RGS12: variants seen among roughly 807,000 people sequenced by gnomAD.
The protein encoded by RGS12 is regulator of G-protein signaling 12.
A neutral mutation model predicts 120.1 loss-of-function variants in RGS12; 66 were observed. The observed-to-expected ratio is 0.55, with a 90% CI of 0.45 to 0.67. The LOEUF is 0.67. Ranked by LOEUF, RGS12 falls within the 30% of genes least tolerant of loss-of-function variation. RGS12 has a pLI of 0.00. For synonymous variants in RGS12, 827 were observed against 804.7 expected (o/e 1.03, Z -0.47); for missense variants, 1,859 against 1,957.7 (o/e 0.95, Z 0.95).
intron 3 of RGS12, among the ~76,000 whole-genome samples, chr4:3,375,740 C>CCCTCATCTCCAG (rs1168137731): frequency 1.2e-5 from 1 of 85,300 alleles, no homozygotes; most frequent in Non-Finnish European, 3.0e-5. Context: ...TCATCTCCAG[C>CCCTCATCTCCAG]CCTCATCTCC....
chr4:3,402,342 C>T (rs562772920), intron 4 of RGS12, among the ~76,000 whole-genome samples: 10 of 152,282 alleles, frequency 6.6e-5, no homozygotes, highest in African/African-American at 2.4e-4. Flanking sequence ...TGTGTTACCT[C>T]TTTTTGGCTT....
chr4:3,400,047 C>T (rs1217140233), intron 4 of RGS12, among the ~76,000 whole-genome samples: 2 of 152,160 alleles, frequency 1.3e-5, no homozygotes, highest in Admixed American at 1.3e-4. Flanking sequence ...GTACACAGGG[C>T]TTGAATGATC....
At position 3,306,105 on chromosome 4, in the gene RGS12, A is replaced by G. The variant is rs116162856; in HGVS notation, c.-101-9965A>G. Reference sequence around the variant, plus strand: ...TCCTGAAGGGTGAGGACTAATGCCCATAAGCTTCTCAGGGCCTGGCTATTC... The same window carrying G: ...TCCTGAAGGGTGAGGACTAATGCCCGTAAGCTTCTCAGGGCCTGGCTATTC... On this transcript the variant is annotated intron_variant, in intron 1 of 17. Transcript: ENST00000336727. Among the ~76,000 whole-genome samples the G allele has an allele frequency of 5.4e-3, 816 of 152,340 alleles. 7 individuals are homozygous for G. Among genetic ancestry groups the G allele is most frequent in the African/African-American group, 0.019 (792 of 41,566 alleles).
At chr4:3,381,033 C>A (rs750239655) in intron 3 of RGS12, among the ~76,000 whole-genome samples, 20 of 152,344 alleles carry the variant, frequency 1.3e-4, no homozygotes, top group Middle Eastern at 6.8e-3. Context: ...GAATGCTTTG[C>A]TGCTTAGAAA....
At chr4:3,427,770 AATATGTC>A (rs1723809409) in intron 14 of RGS12, among the ~76,000 whole-genome samples, 1 of 152,338 alleles carries the variant, frequency 6.6e-6, no homozygotes, top group Admixed American at 6.5e-5. Flanking sequence ...AGAGAAAGAA[AATATGTC>A]ATAAATGTAA....
At chr4:3,326,693 C>G (rs980505500) in intron 2 of RGS12, among the ~76,000 whole-genome samples, 11 of 152,068 alleles carry the variant, frequency 7.2e-5, no homozygotes, top group African/African-American at 2.7e-4. Context: ...AGAAAGAAAT[C>G]AAGGAAGCAA....
At chr4:3,425,311 T>A in intron 13 of RGS12, 153 bp from the exon 14 acceptor site, 1 of 704,170 alleles carries the variant, frequency 1.4e-6, no homozygotes, top group Middle Eastern at 2.5e-4. Flanking sequence ...CAGCCCCAGC[T>A]TGTGTGCCTC....
chr4:3,299,015 A>G (rs1002556477), intron 1 of RGS12, among the ~76,000 whole-genome samples: 2 of 152,186 alleles, frequency 1.3e-5, no homozygotes, highest in African/African-American at 4.8e-5. Flanking sequence ...TTCTTTGAAC[A>G]TCTAGTGTTA....
At chr4:3,397,101 G>T (rs1720117559) in intron 4 of RGS12, among the ~76,000 whole-genome samples, 1 of 152,132 alleles carries the variant, frequency 6.6e-6, no homozygotes, top group Admixed American at 6.6e-5. Flanking sequence ...AGCATTAATG[G>T]AGATGATTTC....
intron 3 of RGS12, among the ~76,000 whole-genome samples, chr4:3,380,869 T>G (rs1389920782): frequency 2.0e-5 from 3 of 152,226 alleles, no homozygotes; most frequent in Non-Finnish European, 4.4e-5. Context: ...CCTGGAGACA[T>G]TTTCATCATT....
At chr4:3,422,258 T>C in intron 10 of RGS12, 118 bp from the exon 11 acceptor site, 1 of 961,700 alleles carries the variant, frequency 1.0e-6, no homozygotes, top group Admixed American at 2.6e-5. Context: ...GGTGGGACCG[T>C]GGCAGGGCGC....
In RGS12 at chr4:3,420,336, A is replaced by G. The variant is rs985971550; in HGVS notation, c.2762-306A>G. The G allele has an allele frequency of 2.7e-5, 13 of 479,342 alleles. No individual in the cohort carries two copies. In the Admixed American group the frequency reaches 4.5e-4, roughly 17 times the overall value. 29.7% of individuals were successfully genotyped at this position (479,342 alleles called of 1,614,324 possible). ...CTGTGTAACTGCACGTACTGATGTG[A>G]TTTGTTGGGCACCTGCCATGAGCCA... On this transcript the variant is annotated intron_variant, in intron 9 of 17. Transcript: ENST00000336727.
intron 16 of RGS12, 71 bp downstream of exon 16, chr4:3,428,782 C>A (rs1223961561): frequency 1.5e-6 from 2 of 1,323,514 alleles, no homozygotes; most frequent in South Asian, 1.4e-5. Context: ...GTCAGTAGAT[C>A]TGCTTTGAGC....
intron 3 of RGS12, among the ~76,000 whole-genome samples, chr4:3,376,564 C>A (rs1229648825): frequency 2.0e-5 from 3 of 152,264 alleles, no homozygotes; most frequent in Non-Finnish European, 4.4e-5. Context: ...TGTGTCCACA[C>A]ACAGACTTGC....
In RGS12 at chr4:3,376,704, G is replaced by A. The variant is rs543350007; in HGVS notation, c.1999-9712G>A. Among the ~76,000 whole-genome samples the A allele has an allele frequency of 5.1e-4, 78 of 152,172 alleles. 1 individual carries two copies. Among genetic ancestry groups the A allele is most frequent in the Non-Finnish European group, 4.1e-4 (28 of 68,046 alleles). The stretch of plus-strand genomic sequence containing the variant: ...CTCACAGACTGTGAATTGATTTGCC[G>A]GTCCCTTGGAGGGTCATGGCTGGGT... On this transcript the variant is annotated intron_variant, in intron 3 of 17. Coordinates refer to ENST00000336727, the MANE Select transcript of RGS12 (RefSeq NM_001394154.1).
chr4:3,434,480 G>A (rs775223721), intron 17 of RGS12, among the ~76,000 whole-genome samples: 2 of 152,162 alleles, frequency 1.3e-5, no homozygotes, highest in Non-Finnish European at 2.9e-5. Context: ...CCATGTGTCT[G>A]CATGGCACGT....
chr4:3,298,580 G>A (rs1723508087), intron 1 of RGS12, among the ~76,000 whole-genome samples: 1 of 152,168 alleles, frequency 6.6e-6, no homozygotes, highest in Non-Finnish European at 1.5e-5. Context: ...TTTCTAAGAA[G>A]TCAGTCACTC....
intron 2 of RGS12, among the ~76,000 whole-genome samples, chr4:3,336,365 G>A (rs928580197): frequency 2.6e-5 from 4 of 152,216 alleles, no homozygotes; most frequent in African/African-American, 4.8e-5. Context: ...TTAGAACTAC[G>A]GGTGGTTTCT....
chr4:3,297,056 TC>T, intron 1 of RGS12, among the ~76,000 whole-genome samples: 1 of 152,362 alleles, frequency 6.6e-6, no homozygotes, highest in South Asian at 2.1e-4. Flanking sequence ...TGTTAGAAGT[TC>T]CCTTCTTCTG....
Sources: gnomAD v4.1 joint callset for allele counts (sites outside exome capture counted in the v4.1 genomes callset) on GRCh38, gnomAD v4.1.1 for gene constraint, MANE v1.5 for transcripts, NCBI Gene and HGNC (gene_info 2026-07-23, HGNC 2026-07-21) for gene names.